The following TRIO variants were observed in gnomAD, a reference collection of about 807,000 sequenced individuals.
TRIO encodes triple functional domain protein.
In TRIO, 58 loss-of-function variants were observed where a neutral mutation model predicts 351.9. The observed-to-expected ratio is 0.16, with a 90% confidence interval of 0.13 to 0.21. TRIO has a LOEUF of 0.21. Among genes scored for constraint, TRIO ranks in the 10% least tolerant of loss-of-function variants. The probability of loss-of-function intolerance (pLI) is 1.00; values close to 1 mark genes in which losing one functional copy is unlikely to be tolerated. For synonymous variants in TRIO, 1,758 were observed against 1,595.7 expected (o/e 1.10, Z -2.42); for missense variants, 3,201 against 4,027.8 (o/e 0.79, Z 5.56).
At chr5:14,357,641 C>T (rs1281203571) in intron 11 of TRIO, among the ~76,000 whole-genome samples, 1 of 151,956 alleles carries the variant, frequency 6.6e-6, no homozygotes, top group Admixed American at 6.6e-5. Flanking sequence ...CGTGCCGTCA[C>T]CTCCCTAGCT....
intron 12 of TRIO, 116 bp from the exon 13 acceptor site, chr5:14,359,241 C>A: frequency 2.4e-6 from 3 of 1,269,218 alleles, no homozygotes; most frequent in Non-Finnish European, 3.3e-6. Context: ...TTTTCTGAGA[C>A]AAGCAGTGCA....
At chr5:14,327,809 C>T (rs1321053833) in intron 9 of TRIO, among the ~76,000 whole-genome samples, 1 of 152,132 alleles carries the variant, frequency 6.6e-6, no homozygotes, top group Non-Finnish European at 1.5e-5. Flanking sequence ...GGCCTCATGC[C>T]CAGGAGCACA....
intron 10 of TRIO, among the ~76,000 whole-genome samples, chr5:14,336,108 G>A (rs921849165): frequency 1.4e-4 from 21 of 152,202 alleles, no homozygotes; most frequent in African/African-American, 3.9e-4. Context: ...CTTGTACTTC[G>A]AGAATTATCG....
At chr5:14,320,346 A>G (rs1004106970) in intron 9 of TRIO, among the ~76,000 whole-genome samples, 4 of 152,142 alleles carry the variant, frequency 2.6e-5, no homozygotes, top group African/African-American at 9.7e-5. Context: ...TTCTGCCTCA[A>G]CTGTTCGGCT....
chr5:14,414,716 A>T (rs1292067002), intron 33 of TRIO, among the ~76,000 whole-genome samples: 1 of 151,620 alleles, frequency 6.6e-6, no homozygotes, highest in African/African-American at 2.4e-5. Context: ...ATCGGAGCCT[A>T]TCACAATAGT....
chr5:14,319,733 A>C (rs1739700836), intron 9 of TRIO, among the ~76,000 whole-genome samples: 2 of 152,242 alleles, frequency 1.3e-5, no homozygotes, highest in South Asian at 4.1e-4. Flanking sequence ...ACCCCAGAGG[A>C]GTAAATGCTT....
rs762368269 is a variant in TRIO, at chr5:14,461,185, C to T, written c.5370C>T (p.Asp1790=). ...GGCGGCTCAGCAGCGGCAAGGCCGA[C>T]GGGCACGTGAAGAAGCTGGCGCACA... ...PVRRLSSGKA[D]GHVKKLAHKH... Residue 1790 remains aspartate (D), a synonymous_variant, in exon 35 of 57, where the codon GAC becomes GAT. Coordinates refer to ENST00000344204, the MANE Select transcript of TRIO (RefSeq NM_007118.4). 3.2e-6 allele frequency: 5 copies of T among 1,561,286 alleles called. No homozygotes were observed. The highest frequency in any genetic ancestry group is 2.7e-5 in the African/African-American group (2 of 73,704).
chr5:14,508,540 T>C lies in TRIO; in HGVS notation c.*118T>C, dbSNP rs1757877599. 6.1e-6 allele frequency: 8 copies of C among 1,319,442 alleles called. No homozygotes were observed. Among genetic ancestry groups the C allele is most frequent in the East Asian group, 2.4e-5 (1 of 42,108 alleles). The allele number at this position is 1,319,442 out of a possible 1,614,324, so 81.7% of individuals were successfully genotyped here. A position where few individuals can be genotyped will look rare whatever the true frequency, so the allele number is the denominator to read the frequency against. On this transcript the variant is annotated 3_prime_UTR_variant, in exon 57 of 57. Transcript: ENST00000344204. ...CTGCCGGTATGTTCATCGTGTGAAA[T>C]TGCATTCCAAGTGAGCTGTGCTCAG... is the stretch of plus-strand genomic sequence containing the variant.
rs1371707429 is a variant in TRIO, at chr5:14,143,785, G to A, written c.60G>A (p.Ala20=). The A allele has an allele frequency of 5.8e-6, 6 of 1,028,344 alleles. No homozygotes were observed. Among genetic ancestry groups the A allele is most frequent in the East Asian group, 1.7e-4 (2 of 11,498 alleles). 63.7% of individuals were successfully genotyped at this position (1,028,344 alleles called of 1,614,324 possible). A position where few individuals can be genotyped will look rare whatever the true frequency, so the allele number is the denominator to read the frequency against. ...APAASSGPAA[A]ASAAGSGCGG... is the part of the protein sequence containing the mutation. ...CCGCGTCCTCCGGCCCCGCCGCGGC[G>A]GCCAGCGCGGCTGGCTCGGGCTGCG... The change falls in exon 1 of 57, where the codon GCG becomes GCA. Residue 20 remains alanine (A), a synonymous_variant. Coordinates refer to ENST00000344204, the MANE Select transcript of TRIO (RefSeq NM_007118.4).
At chr5:14,252,713 T>C (rs1251643947) in intron 1 of TRIO, among the ~76,000 whole-genome samples, 1 of 152,226 alleles carries the variant, frequency 6.6e-6, no homozygotes. Flanking sequence ...ATACAGATTT[T>C]TATTTTTAAA....
chr5:14,427,025 C>T (rs1750700559), intron 34 of TRIO, among the ~76,000 whole-genome samples: 1 of 152,132 alleles, frequency 6.6e-6, no homozygotes, highest in South Asian at 2.1e-4. Context: ...ATGAATGTGC[C>T]AGGCCCTATG....
intron 18 of TRIO, among the ~76,000 whole-genome samples, chr5:14,373,149 C>T (rs918220750): frequency 1.3e-5 from 2 of 152,194 alleles, no homozygotes; most frequent in Non-Finnish European, 2.9e-5. Context: ...CCCCATGATT[C>T]AGTCACCTCC....
intron 8 of TRIO, among the ~76,000 whole-genome samples, chr5:14,312,748 T>C (rs1418173756): frequency 6.6e-6 from 1 of 152,224 alleles, no homozygotes; most frequent in Non-Finnish European, 1.5e-5. Flanking sequence ...GCCATAAACT[T>C]ACATTACTTG....
intron 1 of TRIO, among the ~76,000 whole-genome samples, chr5:14,244,021 C>T (rs1035535923): frequency 1.2e-4 from 19 of 152,192 alleles, no homozygotes; most frequent in African/African-American, 3.1e-4. Context: ...GCAGCTCAGC[C>T]GCTGCTGACC....
intron 21 of TRIO, among the ~76,000 whole-genome samples, chr5:14,383,554 T>G (rs557700350): frequency 1.3e-5 from 2 of 152,380 alleles, no homozygotes; most frequent in South Asian, 4.1e-4. Context: ...CTTATTTTTA[T>G]TCTTGTATTT....
intron 10 of TRIO, among the ~76,000 whole-genome samples, chr5:14,335,992 A>G (rs1247182726): frequency 2.0e-5 from 3 of 152,236 alleles, no homozygotes; most frequent in Non-Finnish European, 4.4e-5. Flanking sequence ...AGAAAAATAA[A>G]AAATATATAG....
At chr5:14,399,133 A>G in intron 30 of TRIO, 63 bp downstream of exon 30, 1 of 1,468,364 alleles carries the variant, frequency 6.8e-7, no homozygotes, top group Non-Finnish European at 9.5e-7. Flanking sequence ...TTTTGTAGGT[A>G]GAGAAGAATT....
chr5:14,489,136 TC>T, intron 48 of TRIO: 1 of 705,156 alleles, frequency 1.4e-6, no homozygotes, highest in South Asian at 1.5e-5. Context: ...AATACATTTC[TC>T]TAAAAGGGTC....
chr5:14,158,691 C>T (rs553364411), intron 1 of TRIO, among the ~76,000 whole-genome samples: 1 of 152,150 alleles, frequency 6.6e-6, no homozygotes, highest in East Asian at 1.9e-4. Context: ...ATTCGCTGGG[C>T]TTGGTGGCGT....
Sources: allele counts gnomAD v4.1 joint callset (sites outside exome capture counted in the v4.1 genomes callset), GRCh38; gene constraint gnomAD v4.1.1; transcripts MANE v1.5; gene names NCBI Gene and HGNC (gene_info 2026-07-23, HGNC 2026-07-21).